Variants in CLIP4 observed in about 807,000 individuals in gnomAD.
The protein encoded by CLIP4 is CAP-Gly domain containing linker protein family member 4.
CLIP4 carries 47 observed loss-of-function variants against 73.1 expected under a neutral mutation model. That is an observed-to-expected ratio of 0.64 (90% confidence interval 0.51 to 0.82). The LOEUF is 0.82. Among genes scored for constraint, CLIP4 ranks in the 40% least tolerant of loss-of-function variants. CLIP4 has a pLI of 0.00. For synonymous variants in CLIP4, 306 were observed against 295.4 expected (o/e 1.04, Z -0.37); for missense variants, 874 against 852.9 (o/e 1.02, Z -0.31).
At chr2:29,130,689 C>G (rs1423080489) in intron 2 of CLIP4, 1 of 1,141,664 alleles carries the variant, frequency 8.8e-7, no homozygotes, top group African/African-American at 1.7e-5. Context: ...TGATTCTCTT[C>G]TGATGGACTG....
chr2:29,167,443 C>T lies in CLIP4; in HGVS notation c.1659-33C>T, dbSNP rs1216577455. The T allele has an allele frequency of 3.3e-6, 5 of 1,527,874 alleles. No individual in the cohort carries two copies. In the South Asian group the frequency reaches 6.1e-5, roughly 19 times the overall value. 94.6% of individuals were successfully genotyped at this position (1,527,874 alleles called of 1,614,324 possible). ...CAGTCTTAAACCTGAAGACCAGCTACTTCTAACGAGATGTCCTTTGTTTTA... is the reference window on the plus strand; with the variant it reads ...CAGTCTTAAACCTGAAGACCAGCTATTTCTAACGAGATGTCCTTTGTTTTA... On this transcript the variant is annotated intron_variant, in intron 13 of 15. Coordinates refer to ENST00000320081, the MANE Select transcript of CLIP4 (RefSeq NM_024692.6).
At chr2:29,101,681 G>A (rs559400366) in intron 1 of CLIP4, among the ~76,000 whole-genome samples, 3 of 152,252 alleles carry the variant, frequency 2.0e-5, no homozygotes, top group African/African-American at 7.2e-5. Context: ...ATCCAATCAA[G>A]TTGACACTCA....
intron 1 of CLIP4, among the ~76,000 whole-genome samples, chr2:29,109,231 G>A (rs186469334): frequency 3.9e-5 from 6 of 152,206 alleles, no homozygotes; most frequent in South Asian, 4.2e-4. Context: ...TTCTGGAGGC[G>A]TCTTATTGGC....
intron 6 of CLIP4, among the ~76,000 whole-genome samples, chr2:29,136,397 T>G (rs1665362302): frequency 1.3e-5 from 2 of 152,164 alleles, no homozygotes; most frequent in African/African-American, 2.4e-5. Context: ...TTCTTTCTGT[T>G]TAACCCCCTT....
chr2:29,149,960 T>C (rs1666438856), intron 8 of CLIP4, among the ~76,000 whole-genome samples: 1 of 152,198 alleles, frequency 6.6e-6, no homozygotes, highest in African/African-American at 2.4e-5. Context: ...TTCATATTGA[T>C]AAAAATACCT....
intron 2 of CLIP4, among the ~76,000 whole-genome samples, chr2:29,124,593 G>A (rs1167364882): frequency 1.0e-5 from 1 of 96,172 alleles, no homozygotes; most frequent in Non-Finnish European, 2.5e-5. Context: ...ACTGCTTGAA[G>A]TTGTCCCATA....
chr2:29,133,391 T>G (rs1432035871), intron 4 of CLIP4, among the ~76,000 whole-genome samples: 2 of 152,234 alleles, frequency 1.3e-5, no homozygotes, highest in African/African-American at 4.8e-5. Flanking sequence ...TCAATTTATT[T>G]AACCAATTTC....
At position 29,125,210 on chromosome 2, in the gene CLIP4, C is replaced by G. The variant is rs138088987; in HGVS notation, c.133+3689C>G. 6.2e-4 allele frequency among the ~76,000 whole-genome samples: 95 copies of G among 152,276 alleles called. No individual in the cohort carries two copies. The East Asian group carries it at 0.016, about 25-fold the overall frequency. The stretch of plus-strand genomic sequence containing the variant: ...ACGGACTGGTACTGGTCCCCCTACC[C>G]CGGCCCCTGGTGCCAGAAAGATTGG... On this transcript the variant is annotated intron_variant, in intron 2 of 15. Transcript: ENST00000320081.
At chr2:29,146,109 C>T (rs919754956) in intron 8 of CLIP4, among the ~76,000 whole-genome samples, 3 of 152,154 alleles carry the variant, frequency 2.0e-5, no homozygotes, top group Non-Finnish European at 4.4e-5. Flanking sequence ...GGACTGGTCT[C>T]TTGGGTGGCT....
intron 15 of CLIP4, among the ~76,000 whole-genome samples, chr2:29,178,540 CT>C (rs1329931862): frequency 6.6e-6 from 1 of 152,168 alleles, no homozygotes; most frequent in East Asian, 1.9e-4. Flanking sequence ...CATTTCAAAG[CT>C]TTCCCCTGTA....
At chr2:29,176,488 G>A (rs2148112986) in intron 15 of CLIP4, among the ~76,000 whole-genome samples, 1 of 152,326 alleles carries the variant, frequency 6.6e-6, no homozygotes, top group Admixed American at 6.5e-5. Context: ...GTGAAAGCAA[G>A]CTGGGAGAGG....
At chr2:29,135,432 GTTGAT>G in intron 5 of CLIP4, 111 bp from the exon 6 acceptor site, 2 of 580,516 alleles carry the variant, frequency 3.4e-6, no homozygotes, top group Non-Finnish European at 5.8e-6. Context: ...CCTCTAGTGG[GTTGAT>G]TTAAGTCTTA....
chr2:29,157,044 T>A (rs1666972297), intron 10 of CLIP4, among the ~76,000 whole-genome samples, 160 bp from the exon 11 acceptor site: 1 of 152,192 alleles, frequency 6.6e-6, no homozygotes, highest in Non-Finnish European at 1.5e-5. Context: ...ATATATAAAC[T>A]ACAATTGCTA....
At chr2:29,142,680 A>C (rs1385866059) in intron 6 of CLIP4, among the ~76,000 whole-genome samples, 1 of 152,234 alleles carries the variant, frequency 6.6e-6, no homozygotes, top group Non-Finnish European at 1.5e-5. Flanking sequence ...ATTGCAAACT[A>C]AGTGTGTTCT....
Position 29,127,131 on chromosome 2 carries a change from T to C in CLIP4, c.134-4127T>C, listed in dbSNP as rs1664659574. 2.6e-5 allele frequency among the ~76,000 whole-genome samples: 4 copies of C among 152,326 alleles called. No homozygotes were observed. The South Asian group carries it at 8.3e-4, about 32-fold the overall frequency. ...AAGTGCAGCAAGAATAGTGAATATG[T>C]ACACATTCTCAAGTATGCCATTCCA... is the stretch of plus-strand genomic sequence containing the variant. On this transcript the variant is annotated intron_variant, in intron 2 of 15. Transcript: ENST00000320081.
intron 5 of CLIP4, 126 bp from the exon 6 acceptor site, chr2:29,135,422 C>G: frequency 1.9e-6 from 1 of 517,760 alleles, no homozygotes; most frequent in Non-Finnish European, 3.3e-6. Flanking sequence ...TGAAATCATG[C>G]CTCTAGTGGG....
chr2:29,120,811 C>T (rs1475492396), intron 1 of CLIP4, among the ~76,000 whole-genome samples: 1 of 152,084 alleles, frequency 6.6e-6, no homozygotes, highest in Admixed American at 6.5e-5. Flanking sequence ...CATCTTTGGC[C>T]AGGATAGAAC....
chr2:29,114,298 T>C (rs1485569216), upstream of CLIP4: 1 of 152,246 alleles, frequency 6.6e-6, no homozygotes, highest in Non-Finnish European at 1.5e-5. Context: ...TCCAAGAGAA[T>C]CCCTCAACAT....
chr2:29,180,278 A>T lies in CLIP4; in HGVS notation c.1797-1294A>T, dbSNP rs578010554. Among the ~76,000 whole-genome samples, 5 of 152,258 alleles carry T rather than the reference A, an allele frequency of 3.3e-5. No homozygotes were observed. In the South Asian group the frequency reaches 1.0e-3, roughly 32 times the overall value. On this transcript the variant is annotated intron_variant, in intron 15 of 15. Transcript: ENST00000320081. ...GCGACAAGACCCTGGTCATGTTTCT[A>T]TTGTGGGTGAATATCAGGGTCAAGC...
Sources: gnomAD v4.1 joint callset for allele counts (sites outside exome capture counted in the v4.1 genomes callset) on GRCh38, gnomAD v4.1.1 for gene constraint, MANE v1.5 for transcripts, NCBI Gene and HGNC (gene_info 2026-07-23, HGNC 2026-07-21) for gene names.